The following PTPRN2 variants were observed in gnomAD, a reference collection of about 807,000 sequenced individuals.
PTPRN2 encodes the protein protein tyrosine phosphatase receptor type N2.
In PTPRN2, 74 loss-of-function variants were observed where a neutral mutation model predicts 118.8. That is an observed-to-expected ratio of 0.62 (90% confidence interval 0.52 to 0.76). The LOEUF (loss-of-function observed/expected upper bound fraction) is 0.76, where lower values mean the gene tolerates loss of function less well. Ranked by LOEUF, PTPRN2 falls within the 30% of genes least tolerant of loss-of-function variation. The probability of loss-of-function intolerance (pLI) is 0.00; values close to 1 mark genes in which losing one functional copy is unlikely to be tolerated. For missense variants in PTPRN2, 1,481 were observed against 1,394.4 expected (o/e 1.06, Z -0.99); for synonymous variants, 641 against 608.0 (o/e 1.05, Z -0.80).
chr7:157,707,010 C>T (rs2150878155), intron 12 of PTPRN2, among the ~76,000 whole-genome samples: 1 of 152,314 alleles, frequency 6.6e-6, no homozygotes, highest in Non-Finnish European at 1.5e-5. Context: ...ACCCCGGTGC[C>T]TTCCGGATCA....
At chr7:158,250,296 C>T (rs1796572476) in intron 3 of PTPRN2, among the ~76,000 whole-genome samples, 2 of 152,120 alleles carry the variant, frequency 1.3e-5, no homozygotes, top group Non-Finnish European at 2.9e-5. Flanking sequence ...TGGATATTCT[C>T]TCATTCCTAC....
In PTPRN2 at chr7:157,826,842, G is replaced by A. The variant is rs190058906; in HGVS notation, c.1788+71831C>T. 2.6e-3 allele frequency among the ~76,000 whole-genome samples: 390 copies of A among 152,250 alleles called. 3 individuals carry two copies. The highest frequency in any genetic ancestry group is 9.2e-3 in the African/African-American group (382 of 41,558). ...TCCTCCTGTGAGGTCATGGGGCAAT[G>A]GGGAGCCAGGAAAGGCGCCCATATA... On this transcript the variant is annotated intron_variant, in intron 12 of 22. Transcript: ENST00000389418.
intron 1 of PTPRN2, among the ~76,000 whole-genome samples, chr7:158,523,235 G>A (rs1390399339): frequency 6.6e-6 from 1 of 152,132 alleles, no homozygotes; most frequent in African/African-American, 2.4e-5. Context: ...AGGGGCGGGG[G>A]TGGTGGGTGA....
intron 2 of PTPRN2, among the ~76,000 whole-genome samples, chr7:158,481,194 C>T (rs1820617571): frequency 6.6e-6 from 1 of 152,252 alleles, no homozygotes. Context: ...AAGAATCATG[C>T]TAAATCTATG....
At chr7:157,659,865 C>T (rs904900793) in intron 13 of PTPRN2, among the ~76,000 whole-genome samples, 2 of 152,108 alleles carry the variant, frequency 1.3e-5, no homozygotes, top group Non-Finnish European at 2.9e-5. Context: ...CTGCCTCACT[C>T]CCCTGATTAG....
chr7:157,896,909 C>G (rs1218887009), intron 12 of PTPRN2, among the ~76,000 whole-genome samples: 1 of 152,090 alleles, frequency 6.6e-6, no homozygotes, highest in African/African-American at 2.4e-5. Flanking sequence ...CAGATGAACC[C>G]CAGAGTCTCC....
At chr7:158,020,360 C>T (rs1806781955) in intron 11 of PTPRN2, among the ~76,000 whole-genome samples, 1 of 152,236 alleles carries the variant, frequency 6.6e-6, no homozygotes, top group Non-Finnish European at 1.5e-5. Context: ...CTGAACTGAG[C>T]TCTCAGAGAT....
At position 157,793,342 on chromosome 7, in the gene PTPRN2, T is replaced by G. The variant is rs1804644427; in HGVS notation, c.1788+105331A>C. On this transcript the variant is annotated intron_variant, in intron 12 of 22. Transcript: ENST00000389418. Reference sequence around the variant, plus strand: ...ATGTCACAGATGACCCTCGCGGCGGTGATAACCTTTACATTTTGGGGTGCT... The same window carrying G: ...ATGTCACAGATGACCCTCGCGGCGGGGATAACCTTTACATTTTGGGGTGCT... Among the ~76,000 whole-genome samples the G allele has an allele frequency of 2.0e-5, 3 of 152,242 alleles. No homozygotes were observed. The East Asian group carries it at 5.8e-4, about 29-fold the overall frequency.
rs528773128 is a variant in PTPRN2, at chr7:158,164,509, G to A, written c.910+2422C>T. 1.1e-3 allele frequency among the ~76,000 whole-genome samples: 167 copies of A among 148,496 alleles called. 4 individuals are homozygous for A. The highest frequency in any genetic ancestry group is 4.0e-3 in the African/African-American group (161 of 40,160). On this transcript the variant is annotated intron_variant, in intron 6 of 22. Transcript: ENST00000389418. Reference sequence around the variant, plus strand: ...CTCGCAGAGCGGGAGCGCGCGCGTAGGGAGGGCTCAGAGCGGGAGCGCGCA... The same window carrying A: ...CTCGCAGAGCGGGAGCGCGCGCGTAAGGAGGGCTCAGAGCGGGAGCGCGCA...
chr7:157,981,299 A>G (rs1803123988), intron 11 of PTPRN2, among the ~76,000 whole-genome samples: 2 of 150,494 alleles, frequency 1.3e-5, no homozygotes, highest in Admixed American at 1.3e-4. Context: ...ATAGTCGGTG[A>G]TGCTATTCCA....
chr7:158,388,090 T>C (rs1162709412), intron 2 of PTPRN2, among the ~76,000 whole-genome samples: 2 of 152,094 alleles, frequency 1.3e-5, no homozygotes, highest in Non-Finnish European at 2.9e-5. Flanking sequence ...GAAAATACTT[T>C]CGGAGGATTC....
chr7:157,949,120 A>C (rs1191659879), intron 11 of PTPRN2, among the ~76,000 whole-genome samples: 1 of 152,190 alleles, frequency 6.6e-6, no homozygotes, highest in Non-Finnish European at 1.5e-5. Flanking sequence ...CCAAAATCTG[A>C]AATACCTCTG....
intron 2 of PTPRN2, among the ~76,000 whole-genome samples, chr7:158,389,792 T>C (rs1223890921): frequency 1.3e-5 from 2 of 152,196 alleles, no homozygotes; most frequent in Admixed American, 1.3e-4. Context: ...TCCTTCCTGC[T>C]CTCCTTTGTT....
chr7:158,403,068 T>C (rs1351845948), intron 2 of PTPRN2, among the ~76,000 whole-genome samples: 2 of 152,214 alleles, frequency 1.3e-5, no homozygotes, highest in Admixed American at 1.3e-4. Flanking sequence ...AGGGGGTTCA[T>C]TCTCGCTCTG....
In PTPRN2 at chr7:158,154,120, C is replaced by T. The variant is rs574002223; in HGVS notation, c.910+12811G>A. ...GTGCCAGTGCAGGTGGGATGAGAGT[C>T]CTGCTGGTCACAGGCAGGGAATGTC... is the stretch of plus-strand genomic sequence containing the variant. On this transcript the variant is annotated intron_variant, in intron 6 of 22. Transcript: ENST00000389418. Among the ~76,000 whole-genome samples the T allele has an allele frequency of 3.1e-4, 47 of 152,242 alleles. No homozygotes were observed. The South Asian group carries it at 8.7e-3, about 28-fold the overall frequency.
chr7:158,263,510 T>A (rs1258750296), intron 3 of PTPRN2, among the ~76,000 whole-genome samples: 1 of 152,250 alleles, frequency 6.6e-6, no homozygotes, highest in Non-Finnish European at 1.5e-5. Context: ...CTGCCTGGGT[T>A]TGGGGCAGGC....
At chr7:158,266,534 C>A (rs527314843) in intron 3 of PTPRN2, among the ~76,000 whole-genome samples, 66 of 152,140 alleles carry the variant, frequency 4.3e-4, no homozygotes, top group Admixed American at 2.0e-3. Context: ...GTGTCTGCTG[C>A]GGTGTGATGT....
chr7:158,203,466 G>A (rs563363419), intron 4 of PTPRN2, among the ~76,000 whole-genome samples: 1 of 152,140 alleles, frequency 6.6e-6, no homozygotes, highest in Non-Finnish European at 1.5e-5. Context: ...TTGTTTAGAA[G>A]GCACAATCCA....
intron 1 of PTPRN2, chr7:158,541,527 G>A (rs371980486): frequency 3.4e-4 from 459 of 1,352,150 alleles, no homozygotes; most frequent in Non-Finnish European, 4.3e-4. Context: ...CCTGGGCAAG[G>A]TGTGGCTCAC....
Sources: allele counts gnomAD v4.1 joint callset (sites outside exome capture counted in the v4.1 genomes callset), GRCh38; gene constraint gnomAD v4.1.1; transcripts MANE v1.5; gene names NCBI Gene and HGNC (gene_info 2026-07-23, HGNC 2026-07-21).